NALCN: variants seen among roughly 807,000 people sequenced by gnomAD.
NALCN encodes the protein sodium leak channel NALCN.
Under a neutral mutation model 225.3 loss-of-function variants are expected in NALCN, and 111 were observed. That is an observed-to-expected ratio of 0.49 (90% CI 0.42 to 0.58). The LOEUF is 0.58. Ranked by LOEUF, NALCN falls within the 20% of genes least tolerant of loss-of-function variation. NALCN has a pLI of 0.00. For synonymous variants in NALCN, 764 were observed against 769.0 expected (o/e 0.99, Z 0.11); for missense variants, 1,378 against 2,202.4 (o/e 0.63, Z 7.49).
intron 15 of NALCN, among the ~76,000 whole-genome samples, chr13:101,152,556 G>A (rs1456662595): frequency 6.6e-6 from 1 of 151,932 alleles, no homozygotes; most frequent in African/African-American, 2.4e-5. Flanking sequence ...TTGCAGCAAG[G>A]CTAAGCTAAC....
chr13:101,238,586 T>C (rs2041649129), intron 11 of NALCN, among the ~76,000 whole-genome samples: 1 of 151,958 alleles, frequency 6.6e-6, no homozygotes, highest in Non-Finnish European at 1.5e-5. Flanking sequence ...AACACACACA[T>C]AAAGACAGCA....
rs538718421 is a variant in NALCN at position 101,317,873 on chromosome 13, C to T, written c.800-25507G>A. Among the ~76,000 whole-genome samples, 3 of 152,148 alleles carry T rather than the reference C, an allele frequency of 2.0e-5. No individual in the cohort carries two copies. In the South Asian group the frequency reaches 6.2e-4, roughly 32 times the overall value. The stretch of plus-strand genomic sequence containing the variant: ...TTCTTTATATATGCATAGATTATTC[C>T]ACTTTTTTTTAAAGCTAAAAACATT... On this transcript the variant is annotated intron_variant, in intron 7 of 43. Transcript: ENST00000251127.
intron 10 of NALCN, among the ~76,000 whole-genome samples, chr13:101,274,283 G>C (rs1205073478): frequency 4.6e-5 from 7 of 152,180 alleles, no homozygotes; most frequent in Non-Finnish European, 1.0e-4. Flanking sequence ...TCCATCGATA[G>C]TGGAATGAAT....
At chr13:101,416,815 G>A (rs2047961343), upstream of NALCN, among the ~76,000 whole-genome samples, 1 of 151,714 alleles carries the variant, frequency 6.6e-6, no homozygotes, top group Non-Finnish European at 1.5e-5. Flanking sequence ...GTGCACGGGA[G>A]TCCGCCGGGC....
At chr13:101,116,718 G>A in intron 18 of NALCN, 2 of 369,594 alleles carry the variant, frequency 5.4e-6, no homozygotes, top group South Asian at 2.1e-5. Flanking sequence ...GTATAACTTT[G>A]CAGAGCATTA....
chr13:101,203,549 T>C (rs1175028430), intron 13 of NALCN, among the ~76,000 whole-genome samples: 7 of 152,210 alleles, frequency 4.6e-5, no homozygotes, highest in Non-Finnish European at 8.8e-5. Flanking sequence ...TGACTTAAAA[T>C]GTTTGGTCAT....
chr13:101,130,518 G>C (rs1180928404), intron 17 of NALCN, among the ~76,000 whole-genome samples: 1 of 152,100 alleles, frequency 6.6e-6, no homozygotes, highest in African/African-American at 2.4e-5. Flanking sequence ...TAGATTACAG[G>C]TTCATTGAAA....
intron 39 of NALCN, among the ~76,000 whole-genome samples, chr13:101,066,748 G>A (rs1233997325): frequency 1.3e-5 from 2 of 152,172 alleles, no homozygotes; most frequent in Non-Finnish European, 2.9e-5. Context: ...GTACCAAGAA[G>A]AGGGAGCAAA....
intron 26 of NALCN, among the ~76,000 whole-genome samples, chr13:101,102,745 C>A (rs2034890213): frequency 6.6e-6 from 1 of 152,190 alleles, no homozygotes; most frequent in Non-Finnish European, 1.5e-5. Context: ...GATCTAAAGA[C>A]AAATTCTGTG....
At chr13:101,380,890 A>ACACACAC (rs1566634466) in intron 3 of NALCN, among the ~76,000 whole-genome samples, 2 of 148,598 alleles carry the variant, frequency 1.3e-5, no homozygotes, top group African/African-American at 4.9e-5. Flanking sequence ...ACACACACAC[A>ACACACAC]CACCACCATC....
At chr13:101,176,510 T>C (rs1033979404) in intron 14 of NALCN, 136 bp from the exon 15 acceptor site, 20 of 449,320 alleles carry the variant, frequency 4.5e-5, no homozygotes, top group African/African-American at 2.2e-4. Context: ...TGATGAATCA[T>C]TGCATAGGCA....
intron 28 of NALCN, among the ~76,000 whole-genome samples, chr13:101,091,141 T>C (rs1360980688): frequency 6.6e-6 from 1 of 152,204 alleles, no homozygotes; most frequent in East Asian, 1.9e-4. Context: ...TAGAGGCTAA[T>C]TTTAAATAAT....
intron 11 of NALCN, among the ~76,000 whole-genome samples, chr13:101,247,835 G>A (rs897478212): frequency 6.6e-6 from 1 of 152,096 alleles, no homozygotes; most frequent in East Asian, 1.9e-4. Context: ...CCCAGTGTGT[G>A]TTGTTGTTCT....
At chr13:101,306,834 C>T (rs142491840) in intron 7 of NALCN, among the ~76,000 whole-genome samples, 1 of 152,304 alleles carries the variant, frequency 6.6e-6, no homozygotes, top group Non-Finnish European at 1.5e-5. Context: ...GCCCTCCATG[C>T]AAGCTTAATC....
At chr13:101,265,234 A>G (rs4772363) in intron 10 of NALCN, among the ~76,000 whole-genome samples, 130,519 of 152,126 alleles carry the variant, frequency 0.86, 58,719 homozygotes, top group East Asian at 0.99. Context: ...TCTATGAAAC[A>G]TGATTGTATA....
intron 14 of NALCN, among the ~76,000 whole-genome samples, chr13:101,184,326 C>T (rs1334997635): frequency 6.6e-6 from 1 of 152,112 alleles, no homozygotes; most frequent in Non-Finnish European, 1.5e-5. Context: ...ATTTCAAAAG[C>T]GTAATTTTCC....
At chr13:101,219,882 C>A (rs569146330) in intron 13 of NALCN, among the ~76,000 whole-genome samples, 2 of 152,264 alleles carry the variant, frequency 1.3e-5, no homozygotes, top group South Asian at 4.1e-4. Flanking sequence ...GCTCTCCAAG[C>A]TTCAAAGTCT....
At chr13:101,348,828 C>T (rs1399522852) in intron 6 of NALCN, among the ~76,000 whole-genome samples, 1 of 152,104 alleles carries the variant, frequency 6.6e-6, no homozygotes, top group African/African-American at 2.4e-5. Flanking sequence ...ATTAATTGCC[C>T]TGGAACACAT....
chr13:101,241,618 T>C (rs530945112), intron 11 of NALCN, among the ~76,000 whole-genome samples: 3 of 152,190 alleles, frequency 2.0e-5, no homozygotes, highest in South Asian at 2.1e-4. Context: ...AATTTTTGTA[T>C]GTTTAGTAGA....
Sources: gnomAD v4.1 joint callset for allele counts (sites outside exome capture counted in the v4.1 genomes callset) on GRCh38, gnomAD v4.1.1 for gene constraint, MANE v1.5 for transcripts, NCBI Gene and HGNC (gene_info 2026-07-23, HGNC 2026-07-21) for gene names.